The following TENM2 variants were observed in gnomAD, a reference collection of about 807,000 sequenced individuals.
TENM2 encodes teneurin transmembrane protein 2.
TENM2 carries 52 observed loss-of-function variants against 245.2 expected under a neutral mutation model. The observed-to-expected ratio is 0.21, with a 90% CI of 0.17 to 0.27. The LOEUF (loss-of-function observed/expected upper bound fraction) is 0.27, where lower values mean the gene tolerates loss of function less well. Ranked by LOEUF, TENM2 falls within the 10% of genes least tolerant of loss-of-function variation. The pLI is 1.00. For missense variants in TENM2, 3,046 were observed against 3,666.8 expected (o/e 0.83, Z 4.37); for synonymous variants, 1,363 against 1,438.9 (o/e 0.95, Z 1.19).
At chr5:167,592,217 T>C (rs944488517) in intron 2 of TENM2, among the ~76,000 whole-genome samples, 3 of 152,210 alleles carry the variant, frequency 2.0e-5, no homozygotes, top group African/African-American at 4.8e-5. Flanking sequence ...AACCCTCTTA[T>C]GGAATGTGAT....
intron 1 of TENM2, among the ~76,000 whole-genome samples, chr5:167,285,438 T>TA (rs1771283176): frequency 6.6e-6 from 1 of 152,216 alleles, no homozygotes; most frequent in Non-Finnish European, 1.5e-5. Flanking sequence ...AATTCTGAGT[T>TA]ATACGTTTCT....
intron 5 of TENM2, among the ~76,000 whole-genome samples, chr5:168,030,608 C>G (rs1787057331): frequency 6.6e-6 from 1 of 152,046 alleles, no homozygotes; most frequent in Non-Finnish European, 1.5e-5. Flanking sequence ...AGACAGTGAG[C>G]TTTTTGAGGG....
intron 3 of TENM2, among the ~76,000 whole-genome samples, chr5:167,893,031 G>T (rs1056817809): frequency 2.0e-5 from 3 of 152,156 alleles, no homozygotes; most frequent in Non-Finnish European, 2.9e-5. Flanking sequence ...TTAACTCTGA[G>T]ATTTTGCTGG....
chr5:167,770,830 C>G (rs1763354616), intron 2 of TENM2, among the ~76,000 whole-genome samples: 1 of 152,128 alleles, frequency 6.6e-6, no homozygotes, highest in African/African-American at 2.4e-5. Context: ...TCCTGGGTCT[C>G]TAAGACTCAG....
At chr5:167,762,420 G>A (rs866272678) in intron 2 of TENM2, among the ~76,000 whole-genome samples, 2 of 152,160 alleles carry the variant, frequency 1.3e-5, no homozygotes, top group East Asian at 1.9e-4. Context: ...TATTTGTGAT[G>A]GCCAATCATA....
chr5:167,439,828 T>C (rs546137701), intron 2 of TENM2, among the ~76,000 whole-genome samples: 1 of 152,330 alleles, frequency 6.6e-6, no homozygotes, highest in South Asian at 2.1e-4. Context: ...CATGAAGCAT[T>C]CTTAACAACC....
the TENM2 span, among the ~76,000 whole-genome samples, chr5:167,003,150 G>C: frequency 6.6e-6 from 1 of 152,046 alleles, no homozygotes; most frequent in East Asian, 1.9e-4. Context: ...GTTTAAATTG[G>C]TTTACTTTAA....
intron 1 of TENM2, among the ~76,000 whole-genome samples, chr5:167,371,402 C>G (rs1760427310): frequency 6.9e-6 from 1 of 145,222 alleles, no homozygotes; most frequent in Non-Finnish European, 1.5e-5. Context: ...GTTGCCCAGG[C>G]TCAGGCTGGA....
At chr5:167,458,227 C>T (rs1052873865) in intron 2 of TENM2, among the ~76,000 whole-genome samples, 2 of 152,034 alleles carry the variant, frequency 1.3e-5, no homozygotes, top group African/African-American at 4.8e-5. Context: ...TGGCTCACGC[C>T]TGTAATCCCA....
At chr5:167,185,637 A>G in the TENM2 span, among the ~76,000 whole-genome samples, 1 of 152,132 alleles carries the variant, frequency 6.6e-6, no homozygotes, top group Non-Finnish European at 1.5e-5. Context: ...AGTCTTATAT[A>G]AACTTTATGC....
intron 2 of TENM2, among the ~76,000 whole-genome samples, chr5:167,513,518 G>A (rs1487035344): frequency 6.6e-6 from 1 of 152,128 alleles, no homozygotes; most frequent in Non-Finnish European, 1.5e-5. Context: ...CCTCTGTGAA[G>A]CCTCATTACT....
At chr5:167,639,394 G>T (rs959090764) in intron 2 of TENM2, among the ~76,000 whole-genome samples, 1 of 152,088 alleles carries the variant, frequency 6.6e-6, no homozygotes, top group Non-Finnish European at 1.5e-5. Context: ...GCCTAAATCA[G>T]GTCATGTCAT....
chr5:167,689,524 C>CA (rs999866882), intron 2 of TENM2, among the ~76,000 whole-genome samples: 1 of 151,994 alleles, frequency 6.6e-6, no homozygotes, highest in Admixed American at 6.5e-5. Flanking sequence ...AATCTCAACA[C>CA]AAAAAAATGA....
intron 2 of TENM2, among the ~76,000 whole-genome samples, chr5:167,652,981 ATTACT>A (rs1412897791): frequency 6.6e-6 from 1 of 152,146 alleles, no homozygotes; most frequent in Non-Finnish European, 1.5e-5. Flanking sequence ...CCTGACCCTG[ATTACT>A]TTTCTAGGCT....
chr5:168,217,514 ATT>A (rs1027535467), intron 22 of TENM2, among the ~76,000 whole-genome samples: 60 of 152,318 alleles, frequency 3.9e-4, no homozygotes, highest in African/African-American at 1.4e-3. Context: ...AGCCTCATAA[ATT>A]TCAGCTCAAG....
At chr5:167,403,774 A>G (rs1455506460) in intron 2 of TENM2, among the ~76,000 whole-genome samples, 1 of 152,166 alleles carries the variant, frequency 6.6e-6, no homozygotes, top group Non-Finnish European at 1.5e-5. Context: ...TGAAGGCATT[A>G]TAAAGATGTA....
At chr5:167,829,395 T>A (rs1356530336) in intron 2 of TENM2, among the ~76,000 whole-genome samples, 1 of 152,152 alleles carries the variant, frequency 6.6e-6, no homozygotes, top group South Asian at 2.1e-4. Context: ...AACCACACAC[T>A]GAGCATCTGA....
chr5:167,108,837 G>T, the TENM2 span, among the ~76,000 whole-genome samples: 1 of 152,082 alleles, frequency 6.6e-6, no homozygotes, highest in Non-Finnish European at 1.5e-5. Flanking sequence ...TTCAGTGAAG[G>T]CCTGAATAAA....
intron 2 of TENM2, among the ~76,000 whole-genome samples, chr5:167,483,209 A>G (rs1767862937): frequency 6.6e-6 from 1 of 152,186 alleles, no homozygotes; most frequent in Admixed American, 6.5e-5. Context: ...TAGCCGGCCA[A>G]TTTCCTATTG....
Sources: allele counts gnomAD v4.1 joint callset (sites outside exome capture counted in the v4.1 genomes callset), GRCh38; gene constraint gnomAD v4.1.1; transcripts MANE v1.5; gene names NCBI Gene and HGNC (gene_info 2026-07-23, HGNC 2026-07-21).